CLNK: variants seen among roughly 807,000 people sequenced by gnomAD.
CLNK encodes the protein cytokine dependent hematopoietic cell linker.
In CLNK, 74 loss-of-function variants were observed where a neutral mutation model predicts 68.6. That is an observed-to-expected ratio of 1.08 (90% CI 0.89 to 1.31). The LOEUF (loss-of-function observed/expected upper bound fraction) is 1.31, where lower values mean the gene tolerates loss of function less well. Ranked by LOEUF, CLNK falls within the 50% of genes most tolerant of loss-of-function variation. CLNK has a pLI of 0.00. For missense variants in CLNK, 553 were observed against 515.3 expected, an observed-to-expected ratio of 1.07 and a Z score of -0.71; for synonymous variants, 198 against 172.2, an observed-to-expected ratio of 1.15 and a Z score of -1.17.
At chr4:10,696,337 C>T in the CLNK span, among the ~76,000 whole-genome samples, 1 of 152,190 alleles carries the variant, frequency 6.6e-6, no homozygotes, top group Non-Finnish European at 1.5e-5. Context: ...GCCCCCTTTG[C>T]TGCATCTGCT....
intron 17 of CLNK, among the ~76,000 whole-genome samples, chr4:10,505,800 A>C (rs977564139): frequency 6.6e-6 from 1 of 152,330 alleles, no homozygotes; most frequent in African/African-American, 2.4e-5. Context: ...TCACATCTGC[A>C]AAGTCCCCTT....
chr4:10,537,637 CTCTT>C (rs57141867), intron 11 of CLNK, among the ~76,000 whole-genome samples: 14 of 76,240 alleles, frequency 1.8e-4, no homozygotes, highest in African/African-American at 6.9e-4. Flanking sequence ...TTCTTTCTTT[CTCTT>C]TCTTTCTTTC....
chr4:10,580,780 CAG>C (rs1720748793), intron 4 of CLNK, among the ~76,000 whole-genome samples: 1 of 152,080 alleles, frequency 6.6e-6, no homozygotes, highest in African/African-American at 2.4e-5. Flanking sequence ...GTAAAAAAGT[CAG>C]AAAACTTTAA....
chr4:10,535,378 AG>A (rs1353507675), intron 11 of CLNK, among the ~76,000 whole-genome samples: 1 of 152,132 alleles, frequency 6.6e-6, no homozygotes, highest in Non-Finnish European at 1.5e-5. Flanking sequence ...AGTGTACTGA[AG>A]CTTAAAGGAC....
At chr4:10,546,098 G>C (rs946550786) in intron 8 of CLNK, among the ~76,000 whole-genome samples, 5 of 152,156 alleles carry the variant, frequency 3.3e-5, no homozygotes, top group African/African-American at 9.7e-5. Context: ...CCATTGTCTT[G>C]AGGGATAGCA....
the CLNK span, among the ~76,000 whole-genome samples, chr4:10,691,057 G>C: frequency 3.9e-5 from 6 of 152,256 alleles, no homozygotes; most frequent in African/African-American, 1.4e-4. Flanking sequence ...TGAGGTCTAA[G>C]TAATGAAAAA....
chr4:10,689,837 C>A, the CLNK span, among the ~76,000 whole-genome samples: 2 of 140,510 alleles, frequency 1.4e-5, no homozygotes, highest in Non-Finnish European at 3.0e-5. Context: ...CACCTGTTTA[C>A]ATTGGTGCCT....
At chr4:10,717,335 C>T in the CLNK span, among the ~76,000 whole-genome samples, 5 of 152,190 alleles carry the variant, frequency 3.3e-5, no homozygotes, top group African/African-American at 1.2e-4. Context: ...GTGGCTCACG[C>T]CTGTAATCCC....
intron 15 of CLNK, chr4:10,517,428 C>T (rs1031825963): frequency 6.6e-5 from 10 of 152,072 alleles, no homozygotes; most frequent in African/African-American, 2.4e-4. Context: ...TTTAAAAATT[C>T]CAGTTATGTA....
At chr4:10,724,846 G>T in the CLNK span, among the ~76,000 whole-genome samples, 3 of 152,296 alleles carry the variant, frequency 2.0e-5, no homozygotes, top group South Asian at 6.2e-4. Context: ...CCTTCTCCTA[G>T]TGATCCAGCA....
At chr4:10,611,821 G>A (rs1722042863) in intron 2 of CLNK, among the ~76,000 whole-genome samples, 1 of 152,044 alleles carries the variant, frequency 6.6e-6, no homozygotes, top group African/African-American at 2.4e-5. Flanking sequence ...TCCATTCACT[G>A]TGTTGCAGCC....
At chr4:10,577,444 C>T (rs1005161881) in intron 4 of CLNK, among the ~76,000 whole-genome samples, 8 of 152,146 alleles carry the variant, frequency 5.3e-5, no homozygotes, top group Non-Finnish European at 1.2e-4. Flanking sequence ...GTACCAGAAC[C>T]GCTTGCTGTT....
intron 8 of CLNK, among the ~76,000 whole-genome samples, chr4:10,545,230 C>T (rs1029020935): frequency 2.0e-5 from 3 of 152,134 alleles, no homozygotes; most frequent in Non-Finnish European, 4.4e-5. Context: ...CTCTGTGAGC[C>T]TGTGAAATCA....
At chr4:10,531,746 C>T (rs1403283526) in intron 12 of CLNK, 1 of 456,704 alleles carries the variant, frequency 2.2e-6, no homozygotes, top group South Asian at 1.5e-5. Context: ...TGGCCCCCAT[C>T]CCTATTTTAT....
intron 2 of CLNK, among the ~76,000 whole-genome samples, chr4:10,661,275 C>A (rs990610172): frequency 6.6e-6 from 1 of 152,128 alleles, no homozygotes; most frequent in Non-Finnish European, 1.5e-5. Flanking sequence ...AGACATTGAG[C>A]CCTCTCAAGA....
intron 2 of CLNK, among the ~76,000 whole-genome samples, chr4:10,600,560 T>G (rs193267897): frequency 6.6e-6 from 1 of 152,214 alleles, no homozygotes; most frequent in South Asian, 2.1e-4. Context: ...CATATCCCCT[T>G]GCATTGGAGC....
At chr4:10,581,519 CA>C (rs1720779495) in intron 4 of CLNK, among the ~76,000 whole-genome samples, 1 of 152,160 alleles carries the variant, frequency 6.6e-6, no homozygotes, top group Admixed American at 6.5e-5. Flanking sequence ...AAACACTTAA[CA>C]GGGGGTTGAA....
intron 4 of CLNK, among the ~76,000 whole-genome samples, chr4:10,577,133 A>G (rs540783359): frequency 7.2e-5 from 11 of 152,302 alleles, no homozygotes; most frequent in African/African-American, 2.4e-4. Flanking sequence ...AGCACTCTCT[A>G]TTTCCCTAGG....
Position 10,500,536 on chromosome 4 carries a change from C to T in CLNK, c.1140+720G>A, listed in dbSNP as rs111817795. Among the ~76,000 whole-genome samples, 182 of 152,058 alleles carry T rather than the reference C, an allele frequency of 1.2e-3. 1 individual carries two copies. Among genetic ancestry groups the T allele is most frequent in the African/African-American group, 4.1e-3 (169 of 41,480 alleles). ...TCACTACTAAAATATAAAAATTAGC[C>T]GGGTTTGGTGGGGCATGCCTGTAAT... On this transcript the variant is annotated intron_variant, in intron 18 of 18. Transcript: ENST00000226951.
Sources: allele counts gnomAD v4.1 joint callset (sites outside exome capture counted in the v4.1 genomes callset), GRCh38; gene constraint gnomAD v4.1.1; transcripts MANE v1.5; gene names NCBI Gene and HGNC (gene_info 2026-07-23, HGNC 2026-07-21).